Variants in AGMO observed in about 807,000 individuals in gnomAD.
AGMO encodes the protein glyceryl-ether monooxygenase.
A neutral mutation model predicts 60.2 loss-of-function variants in AGMO; 75 were observed. That is an observed-to-expected ratio of 1.25 (90% CI 1.03 to 1.51). AGMO has a LOEUF of 1.51. Among genes scored for constraint, AGMO ranks in the 40% most tolerant of loss-of-function variants. The pLI is 0.00. For missense variants in AGMO, 763 were observed against 525.5 expected (o/e 1.45, Z -4.42); for synonymous variants, 261 against 177.1 (o/e 1.47, Z -3.76).
At chr7:15,248,891 G>C (rs970579754) in intron 12 of AGMO, among the ~76,000 whole-genome samples, 3 of 152,168 alleles carry the variant, frequency 2.0e-5, no homozygotes, top group African/African-American at 7.2e-5. Context: ...GTAAGAAAAC[G>C]TCCTATTTTA....
intron 9 of AGMO, among the ~76,000 whole-genome samples, chr7:15,386,596 G>A (rs202062899): frequency 2.0e-5 from 3 of 152,094 alleles, no homozygotes; most frequent in African/African-American, 7.2e-5. Flanking sequence ...ATGAGAAAAT[G>A]TCATTATTTA....
chr7:15,180,878 G>A, the AGMO span, among the ~76,000 whole-genome samples: 8 of 152,142 alleles, frequency 5.3e-5, no homozygotes, highest in Non-Finnish European at 1.0e-4. Flanking sequence ...CCAAGAGCAG[G>A]GCACCAGCAT....
chr7:15,289,309 AATT>A (rs1784190119), intron 12 of AGMO, among the ~76,000 whole-genome samples: 1 of 150,446 alleles, frequency 6.6e-6, no homozygotes, highest in Non-Finnish European at 1.5e-5. Context: ...TTAAATGATA[AATT>A]ATTTATTATC....
At chr7:15,549,708 A>G (rs1315180956) in intron 2 of AGMO, among the ~76,000 whole-genome samples, 3 of 150,980 alleles carry the variant, frequency 2.0e-5, no homozygotes, top group Non-Finnish European at 4.4e-5. Flanking sequence ...ACTCCCACAC[A>G]TTAATAATGG....
intron 8 of AGMO, among the ~76,000 whole-genome samples, chr7:15,388,412 C>A (rs1172296398): frequency 6.6e-6 from 1 of 152,022 alleles, no homozygotes; most frequent in Non-Finnish European, 1.5e-5. Flanking sequence ...GAAGCTTCGC[C>A]TGGGGCTTTG....
At chr7:15,433,019 C>A (rs2128499013) in intron 3 of AGMO, among the ~76,000 whole-genome samples, 1 of 152,120 alleles carries the variant, frequency 6.6e-6, no homozygotes, top group South Asian at 2.1e-4. Context: ...TTAGAACATA[C>A]CCACTGCTGA....
intron 12 of AGMO, 134 bp downstream of exon 12, chr7:15,365,380 T>TTA: frequency 4.6e-6 from 1 of 215,438 alleles, no homozygotes; most frequent in Non-Finnish European, 7.7e-6. Context: ...TACTGGTAAG[T>TTA]AAAAAAAAAA....
At chr7:15,549,210 T>C (rs1271922409) in intron 2 of AGMO, among the ~76,000 whole-genome samples, 66 of 139,886 alleles carry the variant, frequency 4.7e-4, no homozygotes, top group African/African-American at 1.7e-3. Flanking sequence ...CGCTGCAAAA[T>C]CATGCCAAAA....
At chr7:15,499,907 G>GCACA (rs367953278) in intron 3 of AGMO, among the ~76,000 whole-genome samples, 1,725 of 137,690 alleles carry the variant, frequency 0.013, 30 homozygotes, top group African/African-American at 0.036. Flanking sequence ...TATGTATTAC[G>GCACA]CACACACACA....
intron 12 of AGMO, among the ~76,000 whole-genome samples, chr7:15,327,700 A>G (rs999944198): frequency 2.0e-5 from 3 of 151,606 alleles, no homozygotes; most frequent in African/African-American, 7.3e-5. Context: ...GGGGGAGAGA[A>G]AGAGAGGTTT....
rs533849661 is a variant in AGMO, at chr7:15,339,198, T to TACTAG, written c.1263+26311_1263+26315dup. On this transcript the variant is annotated intron_variant, in intron 12 of 12. Coordinates refer to ENST00000342526, the MANE Select transcript of AGMO (RefSeq NM_001004320.2). ...AGGGAGAAGTATCCCAGATCATGAG[T>TACTAG]ACTAGTTGATCAATTCATGCTGAGG... Among the ~76,000 whole-genome samples the TACTAG allele has an allele frequency of 3.3e-3, 504 of 152,200 alleles. 4 individuals are homozygous for TACTAG. Among genetic ancestry groups the TACTAG allele is most frequent in the Non-Finnish European group, 4.3e-3 (293 of 68,018 alleles).
intron 12 of AGMO, among the ~76,000 whole-genome samples, chr7:15,219,842 G>C (rs535477012): frequency 2.0e-5 from 3 of 152,228 alleles, no homozygotes; most frequent in Admixed American, 6.5e-5. Flanking sequence ...GTTCTCCAAG[G>C]AGTATATACC....
chr7:15,206,804 C>G (rs1781451098), intron 12 of AGMO, among the ~76,000 whole-genome samples: 1 of 151,958 alleles, frequency 6.6e-6, no homozygotes, highest in Non-Finnish European at 1.5e-5. Flanking sequence ...AAGATAAATA[C>G]AAAATACACA....
intron 12 of AGMO, among the ~76,000 whole-genome samples, chr7:15,298,609 C>T (rs1411825093): frequency 6.6e-6 from 1 of 152,000 alleles, no homozygotes; most frequent in Non-Finnish European, 1.5e-5. Flanking sequence ...TCCATGTTGC[C>T]CAGACTAGTC....
At chr7:15,136,392 T>A in the AGMO span, among the ~76,000 whole-genome samples, 7 of 152,240 alleles carry the variant, frequency 4.6e-5, no homozygotes, top group Non-Finnish European at 8.8e-5. Context: ...CTAATTACTG[T>A]CAGCTGCACT....
intron 3 of AGMO, among the ~76,000 whole-genome samples, chr7:15,447,783 C>T (rs1448495303): frequency 6.6e-6 from 1 of 152,002 alleles, no homozygotes; most frequent in East Asian, 1.9e-4. Context: ...GAACTCCTAA[C>T]CTCAAGTGAT....
At chr7:15,377,071 AC>A (rs1783486731) in intron 10 of AGMO, among the ~76,000 whole-genome samples, 1 of 152,102 alleles carries the variant, frequency 6.6e-6, no homozygotes, top group South Asian at 2.1e-4. Flanking sequence ...GTCAGCCACA[AC>A]TTTTCTGTGT....
chr7:15,299,493 A>G (rs145413967), intron 12 of AGMO, among the ~76,000 whole-genome samples: 1 of 152,178 alleles, frequency 6.6e-6, no homozygotes, highest in East Asian at 1.9e-4. Flanking sequence ...TCATGCGAGC[A>G]TTCACTAAGG....
intron 12 of AGMO, among the ~76,000 whole-genome samples, chr7:15,361,616 TAAAAA>T (rs1298345824): frequency 6.7e-6 from 1 of 148,760 alleles, no homozygotes; most frequent in East Asian, 2.0e-4. Context: ...ATCACCAAAT[TAAAAA>T]AAAGAAAGAG....
Sources: gnomAD v4.1 joint callset for allele counts (sites outside exome capture counted in the v4.1 genomes callset) on GRCh38, gnomAD v4.1.1 for gene constraint, MANE v1.5 for transcripts, NCBI Gene and HGNC (gene_info 2026-07-23, HGNC 2026-07-21) for gene names.